The following LCN9 variants were observed in gnomAD, a reference collection of about 807,000 sequenced individuals.
LCN9 encodes the protein epididymal-specific lipocalin-9.
LCN9 carries 22 observed loss-of-function variants against 18.5 expected under a neutral mutation model. The observed-to-expected ratio is 1.19, with a 90% CI of 0.85 to 1.70. LCN9 has a LOEUF of 1.70. Among genes scored for constraint, LCN9 ranks in the 40% most tolerant of loss-of-function variants. LCN9 has a pLI of 0.00. For missense variants in LCN9, 202 were observed against 201.3 expected (o/e 1.00, Z -0.02); for synonymous variants, 89 against 83.0 (o/e 1.07, Z -0.39).
In LCN9 at chr9:135,664,811, G is replaced by A. The variant is rs189622097; in HGVS notation, c.307+16G>A. 1 of 1,569,232 alleles carries A rather than the reference G, an allele frequency of 6.4e-7. No homozygotes were observed. The highest frequency in any genetic ancestry group is 8.6e-7 in the Non-Finnish European group (1 of 1,157,364). On this transcript the variant is annotated intron_variant, in intron 3 of 5. Transcript: ENST00000619315. This position sits in a 1 kb window ranked among gnomAD's most constrained non-coding sequence, Gnocchi z 4.5. ...TCCATCAACTGTAAGTGGAAGCCAG[G>A]CTCCTCCTGGTCTCACAGTCGGGGG...
rs779538877 is a variant in LCN9, at chr9:135,664,327, A to G, written c.233+29A>G. 2 of 1,613,148 alleles carry G rather than the reference A, an allele frequency of 1.2e-6. No individual in the cohort carries two copies. The highest frequency in any genetic ancestry group is 1.7e-6 in the Non-Finnish European group (2 of 1,179,570). On this transcript the variant is annotated intron_variant, in intron 2 of 5. Coordinates refer to ENST00000619315, the Ensembl canonical transcript of LCN9. This position sits in a 1 kb window ranked among gnomAD's most constrained non-coding sequence, Gnocchi z 4.5. ...CGTGTTGCCCATCTCAGCTGGCATC[A>G]GGAAGACCCATGCCCCTGCCACCCC...
rs752095063 is a variant in LCN9, at chr9:135,665,202, A to C, written c.308-43A>C. ...ACACAGCACGTGTCACAGGACCCTG[A>C]GGGTGGCGGGGCCAGGCCACGCTGA... On this transcript the variant is annotated intron_variant, in intron 3 of 5. Coordinates refer to ENST00000619315, the Ensembl canonical transcript of LCN9. The surrounding 1 kb of genome is among the most constrained non-coding windows in gnomAD (Gnocchi z 5.9). The C allele has an allele frequency of 2.2e-5, 29 of 1,339,766 alleles. No individual in the cohort carries two copies. The highest frequency in any genetic ancestry group is 2.6e-5 in the Non-Finnish European group (25 of 953,050). The allele number at this position is 1,339,766 out of a possible 1,614,324, so 83.0% of individuals were successfully genotyped here. A position where few individuals can be genotyped will look rare whatever the true frequency, so the allele number is the denominator to read the frequency against.
rs908763862 is a variant in LCN9, at chr9:135,664,919, G to A, written c.307+124G>A. 1.1e-5 allele frequency: 11 copies of A among 1,042,838 alleles called. No individual in the cohort carries two copies. The South Asian group carries it at 1.2e-4, about 11-fold the overall frequency. 64.6% of individuals were successfully genotyped at this position (1,042,838 alleles called of 1,614,324 possible). A position where few individuals can be genotyped will look rare whatever the true frequency, so the allele number is the denominator to read the frequency against. On this transcript the variant is annotated intron_variant, in intron 3 of 5. Coordinates refer to ENST00000619315, the Ensembl canonical transcript of LCN9. The surrounding 1 kb of genome is among the most constrained non-coding windows in gnomAD (Gnocchi z 4.5). The stretch of plus-strand genomic sequence containing the variant: ...GTTAAGCCCCTGACAGCTTGACCCT[G>A]AACTGGAGGGACCCATCCTGGCACC...
chr9:135,664,052 G>A lies in LCN9; in HGVS notation c.97-110G>A. 1 of 1,223,250 alleles carries A rather than the reference G, an allele frequency of 8.2e-7. No individual in the cohort carries two copies. Among genetic ancestry groups the A allele is most frequent in the South Asian group, 1.5e-5 (1 of 68,348 alleles). 75.8% of individuals were successfully genotyped at this position (1,223,250 alleles called of 1,614,324 possible). A position where few individuals can be genotyped will look rare whatever the true frequency, so the allele number is the denominator to read the frequency against. On this transcript the variant is annotated intron_variant, in intron 1 of 5. Coordinates refer to ENST00000619315, the Ensembl canonical transcript of LCN9. This position sits in a 1 kb window ranked among gnomAD's most constrained non-coding sequence, Gnocchi z 4.5. ...GCACTGGAAGGGCGGAGGGGTTCTG[G>A]TTGGGAGCCAGATGCTAAGGGGCCG...
At position 135,663,358 on chromosome 9, in the gene LCN9, A is replaced by T. The variant is rs561966397; in HGVS notation, c.37A>T (p.Ile13Phe). Residue 13 changes from isoleucine to phenylalanine, a missense_variant, in exon 1 of 6, where the codon ATC becomes TTC. By Grantham distance (21) the Ile-to-Phe change is conservative (BLOSUM62 0). Transcript: ENST00000619315. ...TCTGCTGAGCCTGGGGCTGAGCCTCATCGCAGCCCAGGAGTTCGATCCCCA... is the reference window on the plus strand; with the variant it reads ...TCTGCTGAGCCTGGGGCTGAGCCTCTTCGCAGCCCAGGAGTTCGATCCCCA... 177 of 1,613,948 alleles carry T rather than the reference A, an allele frequency of 1.1e-4. No homozygotes were observed. In the East Asian group the frequency reaches 1.3e-3, roughly 12 times the overall value.
In LCN9 at chr9:135,664,681, G is replaced by T. The variant is rs558366207; in HGVS notation, c.234-41G>T. ...CTCTCTGCCATCGCACGTCCAGGGG[G>T]CTGGAGCTCCACTCCCGGCATCTTC... is the stretch of plus-strand genomic sequence containing the variant. On this transcript the variant is annotated intron_variant, in intron 2 of 5. Coordinates refer to ENST00000619315, the Ensembl canonical transcript of LCN9. The surrounding 1 kb of genome is among the most constrained non-coding windows in gnomAD (Gnocchi z 4.5). 38 of 1,528,736 alleles carry T rather than the reference G, an allele frequency of 2.5e-5. No homozygotes were observed. The Middle Eastern group carries it at 5.4e-4, about 22-fold the overall frequency. 94.7% of individuals were successfully genotyped at this position (1,528,736 alleles called of 1,614,324 possible).
Position 135,665,331 on chromosome 9 carries a change from G to A in LCN9, c.394G>A (p.Glu132Lys), listed in dbSNP as rs374188235. The A allele has an allele frequency of 1.2e-4, 191 of 1,604,762 alleles. No individual in the cohort carries two copies. The highest frequency in any genetic ancestry group is 5.0e-4 in the Middle Eastern group (3 of 6,036). ...CCTCCAGAACTTCAGGAACGGGACC[G>A]AGACCCACACGCTGGCGCTCTATGG... Residue 132 changes from glutamate (E) to lysine (K), a missense_variant, in exon 4 of 6, where the codon GAG becomes AAG. Coordinates refer to ENST00000619315, the Ensembl canonical transcript of LCN9. This position sits in a 1 kb window ranked among gnomAD's most constrained non-coding sequence, Gnocchi z 5.9.
rs537339382 is a variant in LCN9 at position 135,664,750 on chromosome 9, G to A, written c.262G>A (p.Val88Met). ...GCAGGGGGAGTGTGTGGCTGTGGTC[G>A]TGGTCTGCGAGAAGACAGAGAAGAA... Residue 88 changes from valine to methionine, a missense_variant, in exon 3 of 6, where the codon GTG (valine) becomes ATG (methionine). Coordinates refer to ENST00000619315, the Ensembl canonical transcript of LCN9. The surrounding 1 kb of genome is among the most constrained non-coding windows in gnomAD (Gnocchi z 4.5). 205 of 1,598,656 alleles carry A rather than the reference G, an allele frequency of 1.3e-4. No individual in the cohort carries two copies. The highest frequency in any genetic ancestry group is 3.2e-4 in the South Asian group (28 of 88,106).
Position 135,665,633 on chromosome 9 carries a change from A to C in LCN9, c.419-55A>C. ...CCCAGCAAGGCCCAGCTTCACACAG[A>C]ACCAACTCTGTTCCCAGCACGGGTC... On this transcript the variant is annotated intron_variant, in intron 4 of 5. Coordinates refer to ENST00000619315, the Ensembl canonical transcript of LCN9. The surrounding 1 kb of genome is among the most constrained non-coding windows in gnomAD (Gnocchi z 5.9). The C allele has an allele frequency of 6.4e-7, 1 of 1,555,426 alleles. No individual in the cohort carries two copies. Among genetic ancestry groups the C allele is most frequent in the Non-Finnish European group, 8.8e-7 (1 of 1,140,122 alleles).
chr9:135,666,828 G>T (rs1217666151), exon 6 of LCN9, among the ~76,000 whole-genome samples: 1 of 107,626 alleles, frequency 9.3e-6, no homozygotes, highest in Non-Finnish European at 1.9e-5. Flanking sequence ...TCCCCTCTCT[G>T]CCCCTCCCCT....
chr9:135,664,405 C>A lies in LCN9; in HGVS notation c.233+107C>A. 1 of 1,418,160 alleles carries A rather than the reference C, an allele frequency of 7.1e-7. No individual in the cohort carries two copies. Among genetic ancestry groups the A allele is most frequent in the Non-Finnish European group, 9.8e-7 (1 of 1,022,876 alleles). 87.8% of individuals were successfully genotyped at this position (1,418,160 alleles called of 1,614,324 possible). On this transcript the variant is annotated intron_variant, in intron 2 of 5. Coordinates refer to ENST00000619315, the Ensembl canonical transcript of LCN9. The surrounding 1 kb of genome is among the most constrained non-coding windows in gnomAD (Gnocchi z 4.5). ...ACGCTCGCACACTCACTGACTTGCA[C>A]TCTGGTGAGAGCCTGAGCCTGTGCG...
exon 1 of LCN9, chr9:135,663,411 G>A (rs1834152014): frequency 6.2e-7 from 1 of 1,613,814 alleles, no homozygotes; most frequent in Non-Finnish European, 8.5e-7. Context: ...ACTACAACGT[G>A]GCCAGGGTGT....
rs776931113 is a variant in LCN9, at chr9:135,665,702, G to A, written c.433G>A (p.Ala145Thr). The change falls in exon 5 of 6, where the codon GCG becomes ACG. Residue 145 changes from alanine to threonine, a missense_variant. Ala to Thr is a moderately conservative substitution (Grantham distance 58, BLOSUM62 0). Transcript: ENST00000619315. The surrounding 1 kb of genome is among the most constrained non-coding windows in gnomAD (Gnocchi z 5.9). ...TTCCTGAGCAGATTTGAAGAAACCT[G>A]CGAAAAGTACGGACTTGGCTCACAA... is the stretch of plus-strand genomic sequence containing the variant. 16 of 1,613,126 alleles carry A rather than the reference G, an allele frequency of 9.9e-6. No homozygotes were observed. The African/African-American group carries it at 1.5e-4, about 15-fold the overall frequency.
chr9:135,666,925 T>C (rs1273449910), exon 6 of LCN9, among the ~76,000 whole-genome samples: 5 of 150,094 alleles, frequency 3.3e-5, no homozygotes, highest in Admixed American at 1.3e-4. Context: ...CGCCCCCGCC[T>C]CCATGTTTTG....
In LCN9 at chr9:135,664,680, G is replaced by T. The variant is rs778251413; in HGVS notation, c.234-42G>T. ...GCTCTCTGCCATCGCACGTCCAGGG[G>T]GCTGGAGCTCCACTCCCGGCATCTT... On this transcript the variant is annotated intron_variant, in intron 2 of 5. Coordinates refer to ENST00000619315, the Ensembl canonical transcript of LCN9. This position sits in a 1 kb window ranked among gnomAD's most constrained non-coding sequence, Gnocchi z 4.5. 5.6e-5 allele frequency: 85 copies of T among 1,528,738 alleles called. 1 individual carries two copies. In the South Asian group the frequency reaches 9.8e-4, roughly 18 times the overall value. The allele number at this position is 1,528,738 out of a possible 1,614,324, so 94.7% of individuals were successfully genotyped here. A position where few individuals can be genotyped will look rare whatever the true frequency, so the allele number is the denominator to read the frequency against.
rs1588215399 is a variant in LCN9 at position 135,664,503 on chromosome 9, A to G, written c.233+205A>G. 6.6e-6 allele frequency among the ~76,000 whole-genome samples: 1 copy of G among 152,022 alleles called. No homozygotes were observed. Among genetic ancestry groups the G allele is most frequent in the East Asian group, 1.9e-4 (1 of 5,154 alleles). On this transcript the variant is annotated intron_variant, in intron 2 of 5. Transcript: ENST00000619315. The surrounding 1 kb of genome is among the most constrained non-coding windows in gnomAD (Gnocchi z 4.5). ...CTGGCACTGTGCTCTTCCCTGAAAC[A>G]TAGAGATGAAATCGCCCCCTTCCAA...
rs1440285778 is a variant in LCN9, at chr9:135,664,323, C to A, written c.233+25C>A. Reference sequence around the variant, plus strand: ...TGTGCGTGTTGCCCATCTCAGCTGGCATCAGGAAGACCCATGCCCCTGCCA... The same window carrying A: ...TGTGCGTGTTGCCCATCTCAGCTGGAATCAGGAAGACCCATGCCCCTGCCA... On this transcript the variant is annotated intron_variant, in intron 2 of 5. Transcript: ENST00000619315. The surrounding 1 kb of genome is among the most constrained non-coding windows in gnomAD (Gnocchi z 4.5). The A allele has an allele frequency of 6.2e-7, 1 of 1,613,280 alleles. No individual in the cohort carries two copies.
exon 6 of LCN9, chr9:135,666,001 T>A (rs1218282709): frequency 1.9e-6 from 3 of 1,599,266 alleles, no homozygotes; most frequent in Non-Finnish European, 1.7e-6. Context: ...GAGGTGCCCA[T>A]CCCTCCCCCT....
Position 135,665,178 on chromosome 9 carries a change from C to T in LCN9, c.308-67C>T, listed in dbSNP as rs1182045353. Reference sequence around the variant, plus strand: ...GACCCCCCATCCTCACTTGCGGCCACACAGCACGTGTCACAGGACCCTGAG... The same window carrying T: ...GACCCCCCATCCTCACTTGCGGCCATACAGCACGTGTCACAGGACCCTGAG... On this transcript the variant is annotated intron_variant, in intron 3 of 5. Transcript: ENST00000619315. The surrounding 1 kb of genome is among the most constrained non-coding windows in gnomAD (Gnocchi z 5.9). The T allele has an allele frequency of 8.8e-7, 1 of 1,132,518 alleles. No homozygotes were observed. The highest frequency in any genetic ancestry group is 1.3e-5 in the South Asian group (1 of 75,722). 70.2% of individuals were successfully genotyped at this position (1,132,518 alleles called of 1,614,324 possible).
Sources: allele counts gnomAD v4.1 joint callset (sites outside exome capture counted in the v4.1 genomes callset), GRCh38; gene constraint gnomAD v4.1.1; non-coding constraint Gnocchi (gnomAD v3.1); transcripts MANE v1.5; gene names NCBI Gene and HGNC (gene_info 2026-07-23, HGNC 2026-07-21).